ATP8B3: variants seen among roughly 807,000 people sequenced by gnomAD.
ATP8B3 encodes the protein phospholipid-transporting ATPase IK.
In ATP8B3, 141 loss-of-function variants were observed where a neutral mutation model predicts 140.9. The observed-to-expected ratio is 1.00, with a 90% confidence interval of 0.87 to 1.15. The LOEUF (loss-of-function observed/expected upper bound fraction) is 1.15, where lower values mean the gene tolerates loss of function less well. ATP8B3 is among the 50% of genes most tolerant of loss of function. ATP8B3 has a pLI of 0.00. For missense variants in ATP8B3, 1,874 were observed against 1,740.6 expected (o/e 1.08, Z -1.36); for synonymous variants, 765 against 714.6 (o/e 1.07, Z -1.13).
chr19:1,792,131 A>C lies in ATP8B3; in HGVS notation c.2060T>G (p.Phe687Cys). The C allele has an allele frequency of 6.3e-7, 1 of 1,576,600 alleles. No homozygotes were observed. ...EFATEEALAAFAQETLRTLCL... is the reference protein window; with the variant it reads ...EFATEEALAACAQETLRTLCL... ...CAGTGTCCGCAGGGTCTCCTGGGCA[A>C]AGGCCTGGGGGCCGGGCAGGTGGAA... Residue 687 changes from phenylalanine (F) to cysteine (C), a missense_variant, in exon 19 of 29, where the codon TTT (phenylalanine) becomes TGT (cysteine). Physicochemically the swap from Phe to Cys is radical, Grantham distance 205 (BLOSUM62 -2). Transcript: ENST00000310127.
intron 10 of ATP8B3, among the ~76,000 whole-genome samples, chr19:1,804,053 A>C (rs888731430): frequency 1.3e-5 from 2 of 152,192 alleles, no homozygotes; most frequent in African/African-American, 4.8e-5. Flanking sequence ...AGGAGCAAGG[A>C]AAAGATTCTG....
At chr19:1,797,610 C>T (rs1243023588) in intron 14 of ATP8B3, among the ~76,000 whole-genome samples, 3 of 151,642 alleles carry the variant, frequency 2.0e-5, no homozygotes, top group African/African-American at 4.9e-5. Flanking sequence ...AGTGACTCTC[C>T]TGTCTCAGCC....
In ATP8B3 at chr19:1,785,597, TG is replaced by T; in HGVS notation, c.3264del (p.Thr1089ProfsTer8). On this transcript the variant is annotated frameshift_variant, in exon 26 of 29. Transcript: ENST00000310127. LOFTEE classifies it high-confidence loss of function. ...VFVQAIAHGVTTSLVNFFMTL... is the reference protein window; with the variant it reads ...VFVQAIAHGVXTSLVNFFMTL... ...GTCATGAAGAAGTTGACCAGAGAGG[TG>T]GTCACACCATGGGCGATGGCTTGGA... The T allele has an allele frequency of 1.2e-6, 2 of 1,613,064 alleles. No individual in the cohort carries two copies. The highest frequency in any genetic ancestry group is 1.7e-6 in the Non-Finnish European group (2 of 1,179,858).
At chr19:1,785,732 G>A (rs2068285844) in intron 25 of ATP8B3, 24 bp from the exon 26 acceptor site, 21 of 1,312,346 alleles carry the variant, frequency 1.6e-5, no homozygotes, top group Non-Finnish European at 2.1e-5. Context: ...GAAGCTCTTG[G>A]GATTGGGTGG....
chr19:1,794,449 A>G lies in ATP8B3; in HGVS notation c.2055+1426T>C, dbSNP rs80001158. Among the ~76,000 whole-genome samples the G allele has an allele frequency of 6.6e-6, 1 of 150,606 alleles. No homozygotes were observed. Among genetic ancestry groups the G allele is most frequent in the African/African-American group, 2.4e-5 (1 of 40,838 alleles). On this transcript the variant is annotated intron_variant, in intron 18 of 28. Transcript: ENST00000310127. The surrounding 1 kb of genome is among the most constrained non-coding windows in gnomAD (Gnocchi z 4.8). ...GGACACAGGACATCTTCCCACACACACCCCGCTGCCCTGTGCTCCATGCTG... is the reference window on the plus strand; with the variant it reads ...GGACACAGGACATCTTCCCACACACGCCCCGCTGCCCTGTGCTCCATGCTG...
Position 1,806,341 on chromosome 19 carries a change from G to T in ATP8B3, c.678-172C>A. 4 of 1,459,698 alleles carry T rather than the reference G, an allele frequency of 2.7e-6. No homozygotes were observed. The highest frequency in any genetic ancestry group is 3.6e-6 in the Non-Finnish European group (4 of 1,112,040). The allele number at this position is 1,459,698 out of a possible 1,614,324, so 90.4% of individuals were successfully genotyped here. ...CCCACCCCACTCCCCGCGGGTCCAC[G>T]CTCCCACCCAGTGACCTCCAGGGTC... On this transcript the variant is annotated intron_variant, in intron 7 of 28. Coordinates refer to ENST00000310127, the MANE Select transcript of ATP8B3 (RefSeq NM_138813.4). The surrounding 1 kb of genome is among the most constrained non-coding windows in gnomAD (Gnocchi z 5.6).
At chr19:1,802,764 C>T in intron 10 of ATP8B3, 119 bp from the exon 11 acceptor site, 1 of 1,273,858 alleles carries the variant, frequency 7.9e-7, no homozygotes, top group Admixed American at 2.2e-5. Context: ...GTGCCCCAAA[C>T]TTGCCCTATG....
In ATP8B3 at chr19:1,805,511, G is replaced by GC. The variant is rs1388277094; in HGVS notation, c.822-56dup. The GC allele has an allele frequency of 1.2e-5, 17 of 1,410,666 alleles. No individual in the cohort carries two copies. The highest frequency in any genetic ancestry group is 3.9e-5 in the Admixed American group (2 of 50,788). 87.4% of individuals were successfully genotyped at this position (1,410,666 alleles called of 1,614,324 possible). ...GTGGAGTTGATGGATGCTTCGAGGA[G>GC]CCCCCAGACCCCTTCTGGAGTCACT... On this transcript the variant is annotated intron_variant, in intron 9 of 28. Transcript: ENST00000310127. The surrounding 1 kb of genome is among the most constrained non-coding windows in gnomAD (Gnocchi z 5.2).
Position 1,802,063 on chromosome 19 carries a change from C to T in ATP8B3, c.1064-19G>A, listed in dbSNP as rs749558959. 8 of 1,556,052 alleles carry T rather than the reference C, an allele frequency of 5.1e-6. No individual in the cohort carries two copies. In the East Asian group the frequency reaches 1.2e-4, roughly 23 times the overall value. On this transcript the variant is annotated intron_variant, in intron 11 of 28. Coordinates refer to ENST00000310127, the MANE Select transcript of ATP8B3 (RefSeq NM_138813.4). ...TCAAAACCTACAAACATGTATCCAT[C>T]TATCCACCCACCCACCCACCCATCC... is the stretch of plus-strand genomic sequence containing the variant.
chr19:1,810,013 G>A (rs1380541668), intron 3 of ATP8B3, among the ~76,000 whole-genome samples: 4 of 152,218 alleles, frequency 2.6e-5, no homozygotes, highest in East Asian at 1.9e-4. Context: ...CTGGGAGACC[G>A]TTCAGGCCTG....
At position 1,806,415 on chromosome 19, in the gene ATP8B3, GC is replaced by G. The variant is rs2069022012; in HGVS notation, c.677+212del. 2 of 1,446,156 alleles carry G rather than the reference GC, an allele frequency of 1.4e-6. No individual in the cohort carries two copies. The highest frequency in any genetic ancestry group is 2.9e-5 in the African/African-American group (2 of 69,980). 89.6% of individuals were successfully genotyped at this position (1,446,156 alleles called of 1,614,324 possible). On this transcript the variant is annotated intron_variant, in intron 7 of 28. Transcript: ENST00000310127. This position sits in a 1 kb window ranked among gnomAD's most constrained non-coding sequence, Gnocchi z 5.6. Reference sequence around the variant, plus strand: ...TTTCCTTGTCCTCCCCATCGCCCGAGCCCTAAGCTCTGCAAGGGTTCGCCAT... The same window carrying G: ...TTTCCTTGTCCTCCCCATCGCCCGAGCCTAAGCTCTGCAAGGGTTCGCCAT...
rs1375417282 is a variant in ATP8B3, at chr19:1,794,130, C to T, written c.2055+1745G>A. ...GTAGCCTCCACCTCCTGCACTCAAG[C>T]GATCCTCCTGCCTCAGGCTCCCAAA... On this transcript the variant is annotated intron_variant, in intron 18 of 28. Coordinates refer to ENST00000310127, the MANE Select transcript of ATP8B3 (RefSeq NM_138813.4). The surrounding 1 kb of genome is among the most constrained non-coding windows in gnomAD (Gnocchi z 4.8). 6.6e-6 allele frequency among the ~76,000 whole-genome samples: 1 copy of T among 152,180 alleles called. No homozygotes were observed. Among genetic ancestry groups the T allele is most frequent in the African/African-American group, 2.4e-5 (1 of 41,446 alleles).
At chr19:1,793,347 C>T (rs1311345604) in intron 18 of ATP8B3, among the ~76,000 whole-genome samples, 3 of 152,210 alleles carry the variant, frequency 2.0e-5, no homozygotes, top group Non-Finnish European at 4.4e-5. Flanking sequence ...AAGCAAGCTG[C>T]ACACCTGAGC....
In ATP8B3 at chr19:1,782,908, G is replaced by C; in HGVS notation, c.*120C>G. ...CAGGTTGGTTTTCTGGATGAAGAGC[G>C]GATTGTCTATCCATAGAAAATGATG... On this transcript the variant is annotated 3_prime_UTR_variant, in exon 29 of 29. Coordinates refer to ENST00000310127, the MANE Select transcript of ATP8B3 (RefSeq NM_138813.4). 7.6e-7 allele frequency: 1 copy of C among 1,323,434 alleles called. No individual in the cohort carries two copies. The highest frequency in any genetic ancestry group is 1.0e-6 in the Non-Finnish European group (1 of 977,884). 82.0% of individuals were successfully genotyped at this position (1,323,434 alleles called of 1,614,324 possible).
chr19:1,790,868 G>GGCTGCCAGGGGGCCC, intron 20 of ATP8B3, 36 bp from the exon 21 acceptor site: 1 of 1,292,118 alleles, frequency 7.7e-7, no homozygotes, highest in Non-Finnish European at 1.0e-6. Context: ...TCTGCGACCC[G>GGCTGCCAGGGGGCCC]CCCCGCACTG....
At chr19:1,810,822 G>A (rs2069168047) in intron 2 of ATP8B3, 139 bp from the exon 3 acceptor site, 3 of 744,636 alleles carry the variant, frequency 4.0e-6, no homozygotes, top group Non-Finnish European at 6.3e-6. Flanking sequence ...CTCCCCGCCA[G>A]GCTCTGAATG....
chr19:1,794,170 G>GTGGT lies in ATP8B3; in HGVS notation c.2055+1704_2055+1705insACCA, dbSNP rs1167748555. ...AGGCTCCCAAAGTGCTGGGACCACA[G>GTGGT]GCACGCGCCACCATGTCTGATTTCC... On this transcript the variant is annotated intron_variant, in intron 18 of 28. Coordinates refer to ENST00000310127, the MANE Select transcript of ATP8B3 (RefSeq NM_138813.4). The surrounding 1 kb of genome is among the most constrained non-coding windows in gnomAD (Gnocchi z 4.8). Among the ~76,000 whole-genome samples the GTGGT allele has an allele frequency of 1.3e-5, 2 of 152,218 alleles. No individual in the cohort carries two copies. Among genetic ancestry groups the GTGGT allele is most frequent in the Admixed American group, 6.5e-5 (1 of 15,280 alleles).
chr19:1,811,966 C>A, intron 1 of ATP8B3, 82 bp from the exon 2 acceptor site: 1 of 563,736 alleles, frequency 1.8e-6, no homozygotes, highest in Non-Finnish European at 3.1e-6. Flanking sequence ...CGGAAGCCCC[C>A]CACCCCGTCT....
At chr19:1,811,464 G>A (rs376282942) in intron 2 of ATP8B3, 25 bp downstream of exon 2, 33 of 1,600,372 alleles carry the variant, frequency 2.1e-5, no homozygotes, top group Admixed American at 5.0e-5. Context: ...CCTGTGTTCC[G>A]GCCACCCGAT....
Sources: gnomAD v4.1 joint callset for allele counts (sites outside exome capture counted in the v4.1 genomes callset) on GRCh38, gnomAD v4.1.1 for gene constraint, Gnocchi (gnomAD v3.1) non-coding constraint, MANE v1.5 for transcripts, NCBI Gene and HGNC (gene_info 2026-07-23, HGNC 2026-07-21) for gene names.